Variants in GBE1 observed in about 807,000 individuals in gnomAD.
GBE1 encodes the protein 1,4-alpha-glucan branching enzyme 1, also known as 1,4-alpha-glucan-branching enzyme.
A neutral mutation model predicts 88.8 loss-of-function variants in GBE1; 70 were observed. That is an observed-to-expected ratio of 0.79 (90% CI 0.65 to 0.96). The LOEUF is 0.96. Ranked by LOEUF, GBE1 falls within the 40% of genes least tolerant of loss-of-function variation. The pLI, the probability that GBE1 is intolerant of heterozygous loss-of-function variation, is 0.00. For missense variants in GBE1, 872 were observed against 871.0 expected, an observed-to-expected ratio of 1.00 and a Z score of -0.01; for synonymous variants, 284 against 300.1, an observed-to-expected ratio of 0.95 and a Z score of 0.56.
chr3:81,620,747 G>A (rs770335511), intron 7 of GBE1, among the ~76,000 whole-genome samples: 24 of 152,074 alleles, frequency 1.6e-4, no homozygotes, highest in Non-Finnish European at 3.2e-4. Context: ...AAATAAAAAA[G>A]GAACGTCCTG....
chr3:81,632,841 C>G (rs1704535193), intron 7 of GBE1, among the ~76,000 whole-genome samples: 1 of 152,034 alleles, frequency 6.6e-6, no homozygotes, highest in South Asian at 2.1e-4. Context: ...CTAACAATGC[C>G]CAGAGGGACA....
chr3:81,573,013 T>C (rs1703595288), intron 12 of GBE1, among the ~76,000 whole-genome samples: 1 of 152,194 alleles, frequency 6.6e-6, no homozygotes, highest in African/African-American at 2.4e-5. Flanking sequence ...TTCACTGAGG[T>C]CATCCTATGC....
At chr3:81,644,382 CATA>C (rs570161620) in intron 6 of GBE1, among the ~76,000 whole-genome samples, 239 of 152,246 alleles carry the variant, frequency 1.6e-3, no homozygotes, top group Middle Eastern at 6.8e-3. Flanking sequence ...AGAAGCAAGG[CATA>C]ATAATATCTA....
chr3:81,614,291 G>T (rs1376820998), intron 7 of GBE1, among the ~76,000 whole-genome samples: 1 of 151,980 alleles, frequency 6.6e-6, no homozygotes, highest in East Asian at 1.9e-4. Flanking sequence ...TCTAATCTAG[G>T]GGGGGAAAAA....
At chr3:81,633,802 G>T (rs1035461976) in intron 7 of GBE1, among the ~76,000 whole-genome samples, 9 of 152,130 alleles carry the variant, frequency 5.9e-5, no homozygotes, top group African/African-American at 2.2e-4. Flanking sequence ...TTGGTAGTTT[G>T]GTAGAATCTG....
rs184342248 is a variant in GBE1 at position 81,539,846 on chromosome 3, G to C, written c.1619-2751C>G. ...AGGCCTGCTAAATTTAAGACACGAAGGAAACATCAGCATCTGTAGATTTAG... is the reference window on the plus strand; with the variant it reads ...AGGCCTGCTAAATTTAAGACACGAACGAAACATCAGCATCTGTAGATTTAG... On this transcript the variant is annotated intron_variant, in intron 12 of 15. Transcript: ENST00000429644. 6.4e-4 allele frequency among the ~76,000 whole-genome samples: 97 copies of C among 151,956 alleles called. No homozygotes were observed. In the East Asian group the frequency reaches 0.017, roughly 27 times the overall value.
At chr3:81,614,612 C>A (rs929298199) in intron 7 of GBE1, among the ~76,000 whole-genome samples, 1 of 152,098 alleles carries the variant, frequency 6.6e-6, no homozygotes, top group Admixed American at 6.6e-5. Flanking sequence ...ATAATCCCAG[C>A]ACTTTGGGAG....
chr3:81,734,860 T>C (rs556113394), intron 1 of GBE1, among the ~76,000 whole-genome samples: 7 of 152,302 alleles, frequency 4.6e-5, no homozygotes, highest in African/African-American at 1.7e-4. Context: ...GTCAATGTGG[T>C]ACAAAAATAT....
chr3:81,507,246 T>C (rs1291525763), intron 14 of GBE1, among the ~76,000 whole-genome samples: 2 of 151,904 alleles, frequency 1.3e-5, no homozygotes, highest in Non-Finnish European at 2.9e-5. Context: ...TAAAATAAAA[T>C]TTATAAGAAA....
At chr3:81,573,642 T>C (rs1297768169) in intron 12 of GBE1, among the ~76,000 whole-genome samples, 2 of 152,158 alleles carry the variant, frequency 1.3e-5, no homozygotes, top group Non-Finnish European at 2.9e-5. Context: ...CATAAAGAAA[T>C]CTTACAACAT....
chr3:81,510,898 T>C (rs1398162360), intron 14 of GBE1, among the ~76,000 whole-genome samples: 4 of 151,780 alleles, frequency 2.6e-5, no homozygotes, highest in Admixed American at 6.6e-5. Context: ...GAGCTGACCG[T>C]AAGCATTCTC....
intron 12 of GBE1, among the ~76,000 whole-genome samples, chr3:81,564,956 G>A (rs1049949458): frequency 1.7e-4 from 26 of 152,122 alleles, no homozygotes; most frequent in Non-Finnish European, 2.9e-4. Flanking sequence ...AATGGTTGGG[G>A]TCAGGCTCTT....
intron 7 of GBE1, among the ~76,000 whole-genome samples, chr3:81,629,540 A>G (rs886758510): frequency 1.9e-4 from 29 of 152,132 alleles, no homozygotes; most frequent in Non-Finnish European, 2.6e-4. Flanking sequence ...CACCTAACTC[A>G]ATAAATGGAT....
At chr3:81,755,148 G>A (rs780070672) in intron 1 of GBE1, among the ~76,000 whole-genome samples, 1 of 152,024 alleles carries the variant, frequency 6.6e-6, no homozygotes, top group African/African-American at 2.4e-5. Context: ...ACTTTAAAAT[G>A]GGCGAAAGAT....
chr3:81,651,544 C>T (rs1306181842), intron 3 of GBE1, among the ~76,000 whole-genome samples: 2 of 151,984 alleles, frequency 1.3e-5, no homozygotes, highest in African/African-American at 4.8e-5. Flanking sequence ...TAAGACCAAT[C>T]TATTTCAACT....
chr3:81,751,822 G>T (rs183350344), intron 1 of GBE1, among the ~76,000 whole-genome samples: 2 of 152,246 alleles, frequency 1.3e-5, no homozygotes, highest in Admixed American at 1.3e-4. Context: ...TTCTGTACTG[G>T]TGTGTATATC....
At chr3:81,631,201 C>G (rs1704503233) in intron 7 of GBE1, among the ~76,000 whole-genome samples, 1 of 151,936 alleles carries the variant, frequency 6.6e-6, no homozygotes, top group Admixed American at 6.6e-5. Flanking sequence ...GAGACTCTCT[C>G]TTTAAAAAGA....
At chr3:81,549,784 A>T (rs1467206250) in intron 12 of GBE1, among the ~76,000 whole-genome samples, 2 of 151,684 alleles carry the variant, frequency 1.3e-5, no homozygotes, top group Non-Finnish European at 3.0e-5. Context: ...TACTTTATAC[A>T]AATAAACAGG....
chr3:81,637,716 T>A (rs1053496333), intron 7 of GBE1, among the ~76,000 whole-genome samples: 8 of 152,134 alleles, frequency 5.3e-5, no homozygotes, highest in African/African-American at 1.9e-4. Flanking sequence ...TTTCCATTCA[T>A]GTCATGGTTG....
Sources: allele counts gnomAD v4.1 joint callset (sites outside exome capture counted in the v4.1 genomes callset), GRCh38; gene constraint gnomAD v4.1.1; transcripts MANE v1.5; gene names NCBI Gene and HGNC (gene_info 2026-07-23, HGNC 2026-07-21).